The following SLC9C2 variants were observed in gnomAD, a reference collection of about 807,000 sequenced individuals.
SLC9C2 encodes the protein sodium/hydrogen exchanger 11.
In SLC9C2, 75 loss-of-function variants were observed where a neutral mutation model predicts 140.2. The ratio of observed to expected loss-of-function variants is 0.53; its 90% CI spans 0.44 to 0.65. SLC9C2 has a LOEUF of 0.65. Among genes scored for constraint, SLC9C2 ranks in the 30% least tolerant of loss-of-function variants. SLC9C2 has a pLI of 0.00. For missense variants in SLC9C2, 1,074 were observed against 1,331.8 expected, an observed-to-expected ratio of 0.81 and a Z score of 3.01; for synonymous variants, 375 against 420.9, an observed-to-expected ratio of 0.89 and a Z score of 1.34.
At chr1:173,546,785 C>A (rs1344592919) in intron 13 of SLC9C2, among the ~76,000 whole-genome samples, 2 of 151,936 alleles carry the variant, frequency 1.3e-5, no homozygotes, top group Non-Finnish European at 2.9e-5. Flanking sequence ...GAAATCTTAC[C>A]ACTGAGTCGA....
chr1:173,550,744 ATT>A (rs903243927), intron 11 of SLC9C2, among the ~76,000 whole-genome samples: 1 of 143,434 alleles, frequency 7.0e-6, no homozygotes, highest in Non-Finnish European at 1.5e-5. Flanking sequence ...GCCCTGTATC[ATT>A]TTTTTTTTTT....
At chr1:173,548,946 C>T (rs1663062667) in intron 11 of SLC9C2, among the ~76,000 whole-genome samples, 1 of 152,124 alleles carries the variant, frequency 6.6e-6, no homozygotes, top group Non-Finnish European at 1.5e-5. Flanking sequence ...TGAAAATTTG[C>T]ATTTTAACAA....
chr1:173,528,693 A>G (rs1661371898), intron 18 of SLC9C2, among the ~76,000 whole-genome samples: 1 of 152,210 alleles, frequency 6.6e-6, no homozygotes, highest in African/African-American at 2.4e-5. Flanking sequence ...CAGAAGACAT[A>G]ACCTCTAGGC....
intron 25 of SLC9C2, among the ~76,000 whole-genome samples, chr1:173,505,572 G>C (rs966609681): frequency 6.6e-6 from 1 of 152,114 alleles, no homozygotes; most frequent in Non-Finnish European, 1.5e-5. Context: ...AACTAGGCTG[G>C]AAATTCCCAG....
chr1:173,547,633 G>T, intron 13 of SLC9C2, 56 bp downstream of exon 13: 1 of 1,286,938 alleles, frequency 7.8e-7, no homozygotes, highest in South Asian at 1.4e-5. Context: ...TCATATGCAA[G>T]GATCAAAGAC....
At chr1:173,521,921 C>T (rs889646095) in intron 21 of SLC9C2, among the ~76,000 whole-genome samples, 1 of 144,024 alleles carries the variant, frequency 6.9e-6, no homozygotes, top group Admixed American at 7.2e-5. Context: ...CAGAAAAGGC[C>T]GGGCGCGGTG....
intron 11 of SLC9C2, among the ~76,000 whole-genome samples, chr1:173,553,821 G>A (rs1663482375): frequency 1.3e-5 from 2 of 152,146 alleles, no homozygotes; most frequent in South Asian, 2.1e-4. Context: ...TGCCTGATAT[G>A]TAAATCTCTA....
At chr1:173,537,642 G>A (rs1013080975) in intron 13 of SLC9C2, among the ~76,000 whole-genome samples, 3 of 151,500 alleles carry the variant, frequency 2.0e-5, no homozygotes, top group African/African-American at 7.3e-5. Context: ...ACATATATAC[G>A]CATATTATAT....
chr1:173,522,494 C>G (rs930784605), intron 21 of SLC9C2, among the ~76,000 whole-genome samples: 1 of 152,152 alleles, frequency 6.6e-6, no homozygotes, highest in East Asian at 1.9e-4. Flanking sequence ...CATCAGCAGG[C>G]GCAGTGCCTG....
chr1:173,567,873 T>C (rs1341230346), intron 9 of SLC9C2, among the ~76,000 whole-genome samples: 1 of 152,162 alleles, frequency 6.6e-6, no homozygotes, highest in Non-Finnish European at 1.5e-5. Context: ...TACTATCTTA[T>C]AACCCATCAT....
At chr1:173,543,823 T>C (rs1354674890) in intron 13 of SLC9C2, among the ~76,000 whole-genome samples, 1 of 152,144 alleles carries the variant, frequency 6.6e-6, no homozygotes, top group Non-Finnish European at 1.5e-5. Flanking sequence ...TGAAACTGGA[T>C]CCCTTCCTTA....
intron 3 of SLC9C2, among the ~76,000 whole-genome samples, chr1:173,599,863 C>A (rs1460470841): frequency 6.6e-6 from 1 of 152,170 alleles, no homozygotes; most frequent in Non-Finnish European, 1.5e-5. Context: ...CTCAGCCTCG[C>A]AAAGTGCTGG....
At chr1:173,557,231 T>A (rs564022834) in intron 10 of SLC9C2, 109 bp downstream of exon 10, 1 of 1,076,540 alleles carries the variant, frequency 9.3e-7, no homozygotes, top group African/African-American at 1.6e-5. Flanking sequence ...GAATGCATTT[T>A]AAAAATCTAA....
chr1:173,529,115 A>T (rs200007013), intron 18 of SLC9C2, among the ~76,000 whole-genome samples: 1 of 152,228 alleles, frequency 6.6e-6, no homozygotes, highest in Non-Finnish European at 1.5e-5. Context: ...AGATGGGTTG[A>T]ACAGAAGAAA....
chr1:173,539,688 G>C (rs931347581), intron 13 of SLC9C2, among the ~76,000 whole-genome samples: 1 of 152,142 alleles, frequency 6.6e-6, no homozygotes, highest in African/African-American at 2.4e-5. Flanking sequence ...AATAAGAACA[G>C]TGGACAGAGT....
At chr1:173,543,459 C>T (rs1304508619) in intron 13 of SLC9C2, among the ~76,000 whole-genome samples, 1 of 152,144 alleles carries the variant, frequency 6.6e-6, no homozygotes, top group African/African-American at 2.4e-5. Context: ...ATTGCCATCC[C>T]CACCAAGCTA....
chr1:173,548,311 C>A, intron 12 of SLC9C2, 78 bp downstream of exon 12: 1 of 1,403,826 alleles, frequency 7.1e-7, no homozygotes, highest in Non-Finnish European at 9.7e-7. Flanking sequence ...AGAATCAGGT[C>A]TTTAACAATA....
chr1:173,569,562 C>A lies in SLC9C2; in HGVS notation c.1046+3620G>T, dbSNP rs556004970. Among the ~76,000 whole-genome samples, 3 of 152,178 alleles carry A rather than the reference C, an allele frequency of 2.0e-5. No individual in the cohort carries two copies. The South Asian group carries it at 6.2e-4, about 32-fold the overall frequency. The stretch of plus-strand genomic sequence containing the variant: ...TCTACCCCTATTTCTTTCTCTACTG[C>A]CTCTTTAAGGCCAATAACACTTAGA... On this transcript the variant is annotated intron_variant, in intron 9 of 27. Transcript: ENST00000367714.
At chr1:173,541,036 C>G (rs1231941773) in intron 13 of SLC9C2, among the ~76,000 whole-genome samples, 1 of 152,082 alleles carries the variant, frequency 6.6e-6, no homozygotes, top group Non-Finnish European at 1.5e-5. Flanking sequence ...GGGCTAAATG[C>G]CCCAATTAAA....
Sources: allele counts gnomAD v4.1 joint callset (sites outside exome capture counted in the v4.1 genomes callset), GRCh38; gene constraint gnomAD v4.1.1; transcripts MANE v1.5; gene names NCBI Gene and HGNC (gene_info 2026-07-23, HGNC 2026-07-21).